EXOC6B: variants seen among roughly 807,000 people sequenced by gnomAD.
EXOC6B encodes SEC15 homolog B.
A neutral mutation model predicts 113.5 loss-of-function variants in EXOC6B; 54 were observed. The ratio of observed to expected loss-of-function variants is 0.48; its 90% confidence interval spans 0.38 to 0.60. EXOC6B has a LOEUF of 0.60. EXOC6B is among the 20% of genes least tolerant of loss of function. EXOC6B has a pLI of 0.00. For missense variants in EXOC6B, 797 were observed against 977.5 expected, an observed-to-expected ratio of 0.82 and a Z score of 2.46; for synonymous variants, 357 against 339.0, an observed-to-expected ratio of 1.05 and a Z score of -0.58.
At chr2:72,658,679 C>T (rs958341639) in intron 6 of EXOC6B, among the ~76,000 whole-genome samples, 4 of 152,052 alleles carry the variant, frequency 2.6e-5, no homozygotes, top group African/African-American at 4.8e-5. Flanking sequence ...GCTACAAAAA[C>T]ACTTTCTAGT....
At chr2:72,508,574 C>T (rs1211721688) in intron 11 of EXOC6B, among the ~76,000 whole-genome samples, 2 of 152,054 alleles carry the variant, frequency 1.3e-5, no homozygotes, top group African/African-American at 4.8e-5. Context: ...GAGTTCAAGA[C>T]CAGCCTGGCC....
chr2:72,797,223 T>A lies in EXOC6B; in HGVS notation c.113+28575A>T, dbSNP rs146495743. 1.2e-3 allele frequency among the ~76,000 whole-genome samples: 183 copies of A among 152,340 alleles called. 1 individual carries two copies. The highest frequency in any genetic ancestry group is 6.0e-3 in the Admixed American group (92 of 15,300). On this transcript the variant is annotated intron_variant, in intron 1 of 21. Transcript: ENST00000272427. ...TGGTCCTCTTCCTCAGCAAGGATGA[T>A]CTTCTGAAGGGATAAGGAAAGAGCT...
intron 6 of EXOC6B, among the ~76,000 whole-genome samples, chr2:72,659,476 T>C (rs142221940): frequency 0.01 from 1,560 of 152,288 alleles, 9 homozygotes; most frequent in Non-Finnish European, 0.016. Flanking sequence ...ATTGAAGAAC[T>C]GTGTTAACAG....
At chr2:72,585,035 T>TA (rs1411457134) in intron 6 of EXOC6B, among the ~76,000 whole-genome samples, 1 of 152,222 alleles carries the variant, frequency 6.6e-6, no homozygotes, top group East Asian at 1.9e-4. Flanking sequence ...TTTATAGCCC[T>TA]AAACATCTAC....
chr2:72,408,493 G>A (rs528681871), intron 18 of EXOC6B, among the ~76,000 whole-genome samples: 1 of 152,178 alleles, frequency 6.6e-6, no homozygotes, highest in Non-Finnish European at 1.5e-5. Context: ...AACCAAAACA[G>A]CATGGTACTG....
At chr2:72,524,381 A>C (rs979138372) in intron 8 of EXOC6B, among the ~76,000 whole-genome samples, 1 of 152,144 alleles carries the variant, frequency 6.6e-6, no homozygotes, top group Non-Finnish European at 1.5e-5. Context: ...CCTATTGCTT[A>C]AATCTAGGAA....
At chr2:72,378,733 C>G (rs982724624) in intron 19 of EXOC6B, among the ~76,000 whole-genome samples, 2 of 152,074 alleles carry the variant, frequency 1.3e-5, no homozygotes, top group Non-Finnish European at 2.9e-5. Context: ...AGGGTGTGAG[C>G]AGACTCGTGT....
At chr2:72,639,270 T>G (rs977568607) in intron 6 of EXOC6B, among the ~76,000 whole-genome samples, 2 of 152,044 alleles carry the variant, frequency 1.3e-5, no homozygotes, top group Non-Finnish European at 2.9e-5. Flanking sequence ...ATCCTTACAC[T>G]AACACTGCGA....
intron 20 of EXOC6B, among the ~76,000 whole-genome samples, chr2:72,215,409 C>T (rs549754672): frequency 6.6e-6 from 1 of 152,314 alleles, no homozygotes; most frequent in East Asian, 1.9e-4. Flanking sequence ...AACTGTCTCA[C>T]TCCCTTATTT....
chr2:72,374,765 C>A (rs997924371), intron 19 of EXOC6B, among the ~76,000 whole-genome samples: 2 of 150,010 alleles, frequency 1.3e-5, no homozygotes, highest in African/African-American at 2.5e-5. Flanking sequence ...TTACACATTG[C>A]ATGCCTGAAT....
At chr2:72,471,073 A>G (rs1337437696) in intron 17 of EXOC6B, among the ~76,000 whole-genome samples, 1 of 152,142 alleles carries the variant, frequency 6.6e-6, no homozygotes, top group African/African-American at 2.4e-5. Flanking sequence ...ACTAGTTTAC[A>G]GTCCCACCAA....
At chr2:72,498,386 G>A (rs1358789092) in intron 13 of EXOC6B, 68 bp downstream of exon 13, 48 of 1,062,022 alleles carry the variant, frequency 4.5e-5, no homozygotes, top group Middle Eastern at 2.1e-4. Context: ...AAACCTTTGC[G>A]CATAAATACA....
intron 20 of EXOC6B, among the ~76,000 whole-genome samples, chr2:72,321,763 A>C (rs1451351413): frequency 6.6e-6 from 1 of 152,188 alleles, no homozygotes; most frequent in Non-Finnish European, 1.5e-5. Context: ...AAGAGGCATA[A>C]AATAAATTTC....
intron 5 of EXOC6B, among the ~76,000 whole-genome samples, chr2:72,719,426 C>T (rs1679853463): frequency 6.6e-6 from 1 of 152,208 alleles, no homozygotes; most frequent in Admixed American, 6.5e-5. Flanking sequence ...GCTTGATAAA[C>T]TCCGCAAGTT....
At chr2:72,488,226 CT>C (rs1699538719) in intron 16 of EXOC6B, among the ~76,000 whole-genome samples, 1 of 151,642 alleles carries the variant, frequency 6.6e-6, no homozygotes, top group African/African-American at 2.4e-5. Flanking sequence ...TTTTGTTTTG[CT>C]TTTTCCTACT....
At chr2:72,509,312 A>G (rs182635284) in intron 11 of EXOC6B, among the ~76,000 whole-genome samples, 1 of 152,240 alleles carries the variant, frequency 6.6e-6, no homozygotes, top group East Asian at 1.9e-4. Flanking sequence ...TGTCATTTAA[A>G]CCACCCAGTC....
intron 20 of EXOC6B, among the ~76,000 whole-genome samples, chr2:72,250,609 G>T (rs2104543542): frequency 6.6e-6 from 1 of 151,514 alleles, no homozygotes; most frequent in Non-Finnish European, 1.5e-5. Flanking sequence ...CCCCTAAATT[G>T]CTGTGATTAC....
intron 20 of EXOC6B, among the ~76,000 whole-genome samples, chr2:72,211,009 C>G (rs1047515257): frequency 2.0e-5 from 3 of 152,142 alleles, no homozygotes; most frequent in African/African-American, 4.8e-5. Flanking sequence ...GCACCACCTC[C>G]GGTTCCCTCC....
At chr2:72,281,200 G>A (rs1480734672) in intron 20 of EXOC6B, among the ~76,000 whole-genome samples, 1 of 152,152 alleles carries the variant, frequency 6.6e-6, no homozygotes, top group African/African-American at 2.4e-5. Context: ...GAACTACAAA[G>A]TTCCTGAATG....
Sources: gnomAD v4.1 joint callset for allele counts (sites outside exome capture counted in the v4.1 genomes callset) on GRCh38, gnomAD v4.1.1 for gene constraint, MANE v1.5 for transcripts, NCBI Gene and HGNC (gene_info 2026-07-23, HGNC 2026-07-21) for gene names.